The following TRIM44 variants were observed in gnomAD, a reference collection of about 807,000 sequenced individuals.
The protein encoded by TRIM44 is tripartite motif containing 44.
TRIM44 carries 13 observed loss-of-function variants against 37.4 expected under a neutral mutation model. That is an observed-to-expected ratio of 0.35 (90% CI 0.23 to 0.55). TRIM44 has a LOEUF of 0.55. Ranked by LOEUF, TRIM44 falls within the 20% of genes least tolerant of loss-of-function variation. TRIM44 has a pLI of 0.89. For missense variants in TRIM44, 426 were observed against 437.2 expected (o/e 0.97, Z 0.23); for synonymous variants, 175 against 157.2 (o/e 1.11, Z -0.85).
In TRIM44 at chr11:35,813,376, C is replaced by T. The variant is rs1853547652; in HGVS notation, c.*6991C>T. The T allele has an allele frequency of 6.6e-6, 1 of 152,116 alleles. No individual in the cohort carries two copies. The highest frequency in any genetic ancestry group is 6.5e-5 in the Admixed American group (1 of 15,268). 9.4% of individuals were successfully genotyped at this position (152,116 alleles called of 1,614,324 possible). A position where few individuals can be genotyped will look rare whatever the true frequency, so the allele number is the denominator to read the frequency against. On this transcript the variant is annotated 3_prime_UTR_variant, in exon 5 of 5. Coordinates refer to ENST00000299413, the MANE Select transcript of TRIM44 (RefSeq NM_017583.6). ...TTAAGAAGTAAGCAAACAAGGCTTC[C>T]AACCAATTGAAATAAATACCATGAA...
At chr11:35,777,401 C>G (rs1852985479) in intron 4 of TRIM44, among the ~76,000 whole-genome samples, 1 of 151,996 alleles carries the variant, frequency 6.6e-6, no homozygotes, top group African/African-American at 2.4e-5. Context: ...GGTCTTGACT[C>G]TATCCAGTTT....
At chr11:35,803,671 A>AGATC (rs1239555831) in intron 4 of TRIM44, among the ~76,000 whole-genome samples, 2 of 152,214 alleles carry the variant, frequency 1.3e-5, no homozygotes, top group Admixed American at 6.5e-5. Context: ...CAGTGAGCGA[A>AGATC]GATCGCACTG....
At position 35,685,285 on chromosome 11, in the gene TRIM44, C is replaced by A; in HGVS notation, c.696C>A (p.Ala232=). ...LRSKDSGGLK[A]AMIELVERLK... is the part of the protein sequence containing the mutation. ...GCAAAGACTCAGGTGGACTGAAGGC[C>A]GCTATGATCGAATTGGTGGAAAGGT... The change falls in exon 2 of 5, where the codon GCC becomes GCA. Residue 232 remains alanine (A), a synonymous_variant. Transcript: ENST00000299413. The A allele has an allele frequency of 6.2e-7, 1 of 1,614,186 alleles. No homozygotes were observed. The highest frequency in any genetic ancestry group is 8.5e-7 in the Non-Finnish European group (1 of 1,180,024).
At chr11:35,734,631 G>A (rs1010772685) in intron 3 of TRIM44, among the ~76,000 whole-genome samples, 1 of 152,204 alleles carries the variant, frequency 6.6e-6, no homozygotes, top group Non-Finnish European at 1.5e-5. Context: ...CCTTGGGAAA[G>A]GCTTGAGAGT....
intron 2 of TRIM44, among the ~76,000 whole-genome samples, chr11:35,705,308 T>A (rs1160167793): frequency 6.6e-6 from 1 of 152,056 alleles, no homozygotes; most frequent in Non-Finnish European, 1.5e-5. Flanking sequence ...CACACAATAA[T>A]AATGGGAGAC....
At chr11:35,673,662 C>T (rs1851426102) in intron 1 of TRIM44, among the ~76,000 whole-genome samples, 1 of 152,126 alleles carries the variant, frequency 6.6e-6, no homozygotes, top group Non-Finnish European at 1.5e-5. Context: ...AAGTCTGGTG[C>T]CCTCTTTTTC....
At chr11:35,680,737 C>G (rs1851512773) in intron 1 of TRIM44, among the ~76,000 whole-genome samples, 1 of 152,112 alleles carries the variant, frequency 6.6e-6, no homozygotes, top group Non-Finnish European at 1.5e-5. Flanking sequence ...TTTTATATAT[C>G]CATCAACAAC....
intron 4 of TRIM44, among the ~76,000 whole-genome samples, chr11:35,805,846 C>T (rs907049900): frequency 1.3e-5 from 2 of 152,240 alleles, no homozygotes; most frequent in South Asian, 2.1e-4. Flanking sequence ...CCTTCTCTGA[C>T]GAGGTGGCAT....
At chr11:35,799,322 G>A (rs1853334654) in intron 4 of TRIM44, among the ~76,000 whole-genome samples, 1 of 152,242 alleles carries the variant, frequency 6.6e-6, no homozygotes, top group Non-Finnish European at 1.5e-5. Context: ...TGGTCAGAGT[G>A]TGGGCCTGAG....
chr11:35,691,542 G>T (rs1851636085), intron 2 of TRIM44, among the ~76,000 whole-genome samples: 1 of 152,190 alleles, frequency 6.6e-6, no homozygotes, highest in Non-Finnish European at 1.5e-5. Context: ...TTAAACGTGT[G>T]CAGGACACTT....
chr11:35,749,367 A>G (rs572479737), intron 4 of TRIM44, among the ~76,000 whole-genome samples: 28 of 152,330 alleles, frequency 1.8e-4, no homozygotes, highest in South Asian at 1.2e-3. Context: ...GTAGGAAGAT[A>G]TACAAAAGAT....
At chr11:35,680,036 T>C (rs749741151) in intron 1 of TRIM44, among the ~76,000 whole-genome samples, 3 of 152,204 alleles carry the variant, frequency 2.0e-5, no homozygotes, top group Non-Finnish European at 4.4e-5. Flanking sequence ...CCAAATTTTA[T>C]ATCGTTTTGA....
intron 2 of TRIM44, among the ~76,000 whole-genome samples, chr11:35,686,446 G>A (rs1322853834): frequency 1.3e-5 from 2 of 151,640 alleles, no homozygotes; most frequent in East Asian, 1.9e-4. Flanking sequence ...ACTTTGCTAG[G>A]ACTCTTACAT....
intron 4 of TRIM44, among the ~76,000 whole-genome samples, chr11:35,776,069 G>T (rs569086507): frequency 1.3e-5 from 2 of 152,256 alleles, no homozygotes; most frequent in East Asian, 3.9e-4. Context: ...TGTACCTCTG[G>T]TAGATTTTGG....
chr11:35,710,763 G>C (rs571146783), intron 2 of TRIM44, among the ~76,000 whole-genome samples: 3 of 152,080 alleles, frequency 2.0e-5, no homozygotes. Flanking sequence ...CTTACAAAAG[G>C]GTAACTTCCC....
At chr11:35,728,207 T>C (rs1852207654) in intron 3 of TRIM44, among the ~76,000 whole-genome samples, 1 of 152,012 alleles carries the variant, frequency 6.6e-6, no homozygotes, top group African/African-American at 2.4e-5. Flanking sequence ...GCACCTGCAG[T>C]CCCAGCTACT....
At chr11:35,684,368 A>G (rs1851551148) in intron 1 of TRIM44, among the ~76,000 whole-genome samples, 1 of 152,250 alleles carries the variant, frequency 6.6e-6, no homozygotes, top group Non-Finnish European at 1.5e-5. Context: ...TGGCAGTTAT[A>G]AAATTATATA....
chr11:35,716,284 G>A (rs1386034816), intron 2 of TRIM44, among the ~76,000 whole-genome samples: 1 of 152,162 alleles, frequency 6.6e-6, no homozygotes, highest in African/African-American at 2.4e-5. Flanking sequence ...GGAGTTAGAA[G>A]CAAGATGCTA....
intron 2 of TRIM44, among the ~76,000 whole-genome samples, chr11:35,722,196 G>GA (rs1590542092): frequency 6.6e-6 from 1 of 152,304 alleles, no homozygotes; most frequent in East Asian, 1.9e-4. Flanking sequence ...AGAGGGAAGT[G>GA]AAAATGGACT....
Sources: gnomAD v4.1 joint callset for allele counts (sites outside exome capture counted in the v4.1 genomes callset) on GRCh38, gnomAD v4.1.1 for gene constraint, MANE v1.5 for transcripts, NCBI Gene and HGNC (gene_info 2026-07-23, HGNC 2026-07-21) for gene names.